Variants in SMAP1 observed in about 807,000 individuals in gnomAD.
SMAP1 encodes stromal membrane-associated protein 1.
A neutral mutation model predicts 58.5 loss-of-function variants in SMAP1; 24 were observed. The observed-to-expected ratio is 0.41, with a 90% CI of 0.30 to 0.58. SMAP1 has a LOEUF of 0.58. Among genes scored for constraint, SMAP1 ranks in the 20% least tolerant of loss-of-function variants. The pLI is 0.29. For synonymous variants in SMAP1, 216 were observed against 196.6 expected, an observed-to-expected ratio of 1.10 and a Z score of -0.82; for missense variants, 563 against 566.3, an observed-to-expected ratio of 0.99 and a Z score of 0.06.
chr6:70,819,357 T>C (rs955818404), intron 6 of SMAP1, among the ~76,000 whole-genome samples: 2 of 151,304 alleles, frequency 1.3e-5, no homozygotes, highest in Non-Finnish European at 2.9e-5. Context: ...AGAGTAACTA[T>C]ATGTTAGAAC....
intron 2 of SMAP1, among the ~76,000 whole-genome samples, chr6:70,736,767 C>T (rs1765633501): frequency 6.6e-6 from 1 of 152,188 alleles, no homozygotes. Flanking sequence ...CTTGCTTCTG[C>T]TGCTTTCTAG....
At chr6:70,782,071 G>A (rs980731705) in intron 4 of SMAP1, among the ~76,000 whole-genome samples, 8 of 152,116 alleles carry the variant, frequency 5.3e-5, no homozygotes, top group Non-Finnish European at 1.0e-4. Context: ...GTGGGAGTTC[G>A]GAAGGACATT....
chr6:70,859,795 A>G (rs535216457), intron 10 of SMAP1: 50 of 175,922 alleles, frequency 2.8e-4, no homozygotes, highest in Middle Eastern at 2.7e-3. Context: ...TAGGAAGTAT[A>G]TAAGATTTTA....
chr6:70,845,083 C>T (rs1208648823), intron 7 of SMAP1, among the ~76,000 whole-genome samples: 1 of 152,122 alleles, frequency 6.6e-6, no homozygotes, highest in Non-Finnish European at 1.5e-5. Flanking sequence ...GGTTCATGCT[C>T]AGTCAAAAAT....
chr6:70,668,479 C>T, intron 1 of SMAP1: 1 of 1,444,320 alleles, frequency 6.9e-7, no homozygotes, highest in Non-Finnish European at 9.1e-7. Flanking sequence ...GGGCACGGGT[C>T]TGGGCAGAGC....
chr6:70,804,007 CTTGGTGCA>C (rs1169586389), intron 6 of SMAP1, among the ~76,000 whole-genome samples: 1 of 152,162 alleles, frequency 6.6e-6, no homozygotes, highest in East Asian at 1.9e-4. Context: ...ATTAGGTCCA[CTTGGTGCA>C]GAGATGAGTT....
At chr6:70,671,546 C>A (rs1324664710) in intron 1 of SMAP1, among the ~76,000 whole-genome samples, 1 of 152,120 alleles carries the variant, frequency 6.6e-6, no homozygotes, top group Non-Finnish European at 1.5e-5. Flanking sequence ...CCACTGTACT[C>A]CAGCCTGGGT....
intron 1 of SMAP1, among the ~76,000 whole-genome samples, chr6:70,684,230 A>G (rs1472953884): frequency 6.6e-6 from 1 of 152,246 alleles, no homozygotes; most frequent in East Asian, 1.9e-4. Context: ...GGTTATCTCT[A>G]TATAAATCTG....
intron 4 of SMAP1, 108 bp from the exon 5 acceptor site, chr6:70,791,581 G>T: frequency 1.3e-6 from 1 of 793,062 alleles, no homozygotes. Context: ...GCCTCTAAGT[G>T]CTTCTATATC....
At chr6:70,813,775 TTAAA>T (rs1769492913) in intron 6 of SMAP1, among the ~76,000 whole-genome samples, 1 of 152,254 alleles carries the variant, frequency 6.6e-6, no homozygotes, top group East Asian at 1.9e-4. Flanking sequence ...TTAAAATCTG[TTAAA>T]TAAACAATAC....
rs1206311260 is a variant in SMAP1, at chr6:70,671,995, A to G, written c.118+3854A>G. ...AACATAAGGTTTTTTAACTCTAGAG[A>G]TTGTTTTGTTTAGCCTGTCTGATAT... On this transcript the variant is annotated intron_variant, in intron 1 of 10. Coordinates refer to ENST00000370455, the MANE Select transcript of SMAP1 (RefSeq NM_001044305.3). Among the ~76,000 whole-genome samples, 5 of 152,096 alleles carry G rather than the reference A, an allele frequency of 3.3e-5. No homozygotes were observed. In the South Asian group the frequency reaches 8.3e-4, roughly 25 times the overall value.
intron 1 of SMAP1, among the ~76,000 whole-genome samples, chr6:70,686,994 G>GT (rs761988203): frequency 2.1e-4 from 32 of 151,938 alleles, no homozygotes; most frequent in African/African-American, 4.6e-4. Flanking sequence ...GTCTCTCTGT[G>GT]TTTTTTTTAA....
intron 6 of SMAP1, among the ~76,000 whole-genome samples, chr6:70,800,189 G>C (rs1411516342): frequency 6.6e-6 from 1 of 151,994 alleles, no homozygotes; most frequent in Non-Finnish European, 1.5e-5. Context: ...AGGCTGAGGT[G>C]GGAGGATCAC....
chr6:70,753,056 AT>A (rs1157598978), intron 2 of SMAP1, among the ~76,000 whole-genome samples: 1 of 151,656 alleles, frequency 6.6e-6, no homozygotes, highest in Non-Finnish European at 1.5e-5. Context: ...ATTATTTTTT[AT>A]TTCCCCCCCG....
rs191501574 is a variant in SMAP1 at position 70,771,295 on chromosome 6, A to G, written c.339-2055A>G. On this transcript the variant is annotated intron_variant, in intron 3 of 10. Coordinates refer to ENST00000370455, the MANE Select transcript of SMAP1 (RefSeq NM_001044305.3). ...TTCTCTTCAAAGCTGTCAGACAGGG[A>G]TGTTTAAGTCTGCAGAGGTTACTGC... 4.3e-3 allele frequency among the ~76,000 whole-genome samples: 661 copies of G among 152,256 alleles called. 4 individuals carry two copies. The highest frequency in any genetic ancestry group is 0.015 in the African/African-American group (630 of 41,552).
intron 1 of SMAP1, among the ~76,000 whole-genome samples, chr6:70,709,597 T>G (rs1477805187): frequency 6.6e-6 from 1 of 152,188 alleles, no homozygotes; most frequent in Non-Finnish European, 1.5e-5. Context: ...GTTGGGATTA[T>G]AGGTGTGAGC....
At chr6:70,703,560 C>T (rs1450969184) in intron 1 of SMAP1, among the ~76,000 whole-genome samples, 1 of 152,044 alleles carries the variant, frequency 6.6e-6, no homozygotes, top group Non-Finnish European at 1.5e-5. Context: ...TTAATTTTTC[C>T]ATTAGTGAGG....
chr6:70,855,852 T>G (rs977664110), intron 8 of SMAP1, among the ~76,000 whole-genome samples: 11 of 152,246 alleles, frequency 7.2e-5, no homozygotes, highest in African/African-American at 2.2e-4. Flanking sequence ...CCATGATATC[T>G]AATTTCTTAC....
intron 7 of SMAP1, among the ~76,000 whole-genome samples, chr6:70,839,924 G>T (rs1380779966): frequency 1.3e-5 from 2 of 152,122 alleles, no homozygotes; most frequent in Admixed American, 1.3e-4. Flanking sequence ...AACAAACAGT[G>T]GTTCTAAATC....
Sources: allele counts gnomAD v4.1 joint callset (sites outside exome capture counted in the v4.1 genomes callset), GRCh38; gene constraint gnomAD v4.1.1; transcripts MANE v1.5; gene names NCBI Gene and HGNC (gene_info 2026-07-23, HGNC 2026-07-21).